The following PCDHGA8 variants were observed in gnomAD, a reference collection of about 807,000 sequenced individuals.
PCDHGA8 encodes protocadherin gamma subfamily A, 8.
PCDHGA8 carries 45 observed loss-of-function variants against 59.2 expected under a neutral mutation model. The ratio of observed to expected loss-of-function variants is 0.76; its 90% CI spans 0.60 to 0.98. The LOEUF (loss-of-function observed/expected upper bound fraction) is 0.98. PCDHGA8 is among the 50% of genes least tolerant of loss of function. The pLI is 0.00. For synonymous variants in PCDHGA8, 531 were observed against 519.0 expected (o/e 1.02, Z -0.32); for missense variants, 1,257 against 1,196.2 (o/e 1.05, Z -0.75).
chr5:141,409,809 A>T (rs754765049), intron 1 of PCDHGA8: 62 of 1,611,424 alleles, frequency 3.8e-5, no homozygotes, highest in Non-Finnish European at 7.6e-6. Context: ...CAGGCCCGCG[A>T]CCACGGCTCG....
intron 1 of PCDHGA8, chr5:141,492,070 GCCGGCT>G (rs1329848558): frequency 2.1e-6 from 1 of 477,826 alleles, no homozygotes; most frequent in Non-Finnish European, 3.7e-6. Context: ...CCTCCTAGGC[GCCGGCT>G]CCGGCACGCT....
chr5:141,394,662 T>C lies in PCDHGA8; in HGVS notation c.1849T>C (p.Phe617Leu). ...GCTCAAGGCCAGCGAGCCGGGACTC[T>C]TCTCGGTGGGTCTGCACACGGGCGA... ...RLLKASEPGL[F>L]SVGLHTGEVR... The change falls in exon 1 of 4, where the codon TTC becomes CTC. Residue 617 changes from phenylalanine (F) to leucine (L), a missense_variant. By Grantham distance (22) the Phe-to-Leu change is conservative. Coordinates refer to ENST00000398604, the MANE Select transcript of PCDHGA8 (RefSeq NM_032088.2). 3 of 1,613,258 alleles carry C rather than the reference T, an allele frequency of 1.9e-6. No individual in the cohort carries two copies. Among genetic ancestry groups the C allele is most frequent in the African/African-American group, 2.7e-5 (2 of 75,006 alleles).
chr5:141,441,362 G>A (rs1489202253), intron 1 of PCDHGA8: 1 of 152,484 alleles, frequency 6.6e-6, no homozygotes, highest in Non-Finnish European at 1.5e-5. Context: ...AACAAATGGG[G>A]CCGTGGACCA....
Position 141,432,292 on chromosome 5 carries a change from T to C in PCDHGA8, c.2424+37055T>C, listed in dbSNP as rs1339412798. 2 of 1,614,078 alleles carry C rather than the reference T, an allele frequency of 1.2e-6. No individual in the cohort carries two copies. The highest frequency in any genetic ancestry group is 2.2e-5 in the East Asian group (1 of 44,888). On this transcript the variant is annotated intron_variant, in intron 1 of 3. Coordinates refer to ENST00000398604, the MANE Select transcript of PCDHGA8 (RefSeq NM_032088.2). The surrounding 1 kb of genome is among the most constrained non-coding windows in gnomAD (Gnocchi z 6.0). ...CCTACGTGTCCATCAACTCCGACAC[T>C]GGGGTACTGTATGCGCTGAGCTCCT...
At chr5:141,473,212 C>G (rs1311953997) in intron 1 of PCDHGA8, among the ~76,000 whole-genome samples, 1 of 152,012 alleles carries the variant, frequency 6.6e-6, no homozygotes, top group Non-Finnish European at 1.5e-5. Flanking sequence ...AAAATGCTTA[C>G]TTCCAGGGAG....
intron 1 of PCDHGA8, among the ~76,000 whole-genome samples, chr5:141,469,206 A>T (rs752389937): frequency 6.6e-6 from 1 of 150,920 alleles, no homozygotes; most frequent in African/African-American, 2.4e-5. Flanking sequence ...AGCCTTTTGA[A>T]GTTGAGGCTT....
chr5:141,409,237 A>G lies in PCDHGA8; in HGVS notation c.2424+14000A>G, dbSNP rs375806619. The G allele has an allele frequency of 7.2e-5, 116 of 1,614,054 alleles. 2 individuals are homozygous for G. Among genetic ancestry groups the G allele is most frequent in the East Asian group, 6.5e-4 (29 of 44,886 alleles). ...TCCTTGATGAAAACGACAACAGCCC[A>G]GAAATAATCATCACTTCTCTCTCTG... On this transcript the variant is annotated intron_variant, in intron 1 of 3. Coordinates refer to ENST00000398604, the MANE Select transcript of PCDHGA8 (RefSeq NM_032088.2).
At chr5:141,438,957 C>T (rs1292059651) in intron 1 of PCDHGA8, among the ~76,000 whole-genome samples, 1 of 152,026 alleles carries the variant, frequency 6.6e-6, no homozygotes, top group Non-Finnish European at 1.5e-5. Context: ...TGAGCCACCG[C>T]ACCCTGCCAA....
chr5:141,438,754 T>C (rs1213047429), intron 1 of PCDHGA8, among the ~76,000 whole-genome samples: 3 of 148,368 alleles, frequency 2.0e-5, no homozygotes, highest in African/African-American at 5.0e-5. Context: ...CTCTGCCTCC[T>C]GGGTTCAAGC....
At chr5:141,430,567 A>G in intron 1 of PCDHGA8, 1 of 434,308 alleles carries the variant, frequency 2.3e-6, no homozygotes, top group Non-Finnish European at 3.9e-6. Context: ...GGGGAGAGAA[A>G]AGCGGAGATC....
At position 141,410,196 on chromosome 5, in the gene PCDHGA8, C is replaced by A. The variant is rs773310778; in HGVS notation, c.2424+14959C>A. 7.4e-6 allele frequency: 12 copies of A among 1,613,866 alleles called. No individual in the cohort carries two copies. In the South Asian group the frequency reaches 1.2e-4, roughly 16 times the overall value. On this transcript the variant is annotated intron_variant, in intron 1 of 3. Transcript: ENST00000398604. ...ACCGCCACGCTTCATCTGGTCTTCG[C>A]AGACAACTTGCAAGAGATACTGCCA... is the stretch of plus-strand genomic sequence containing the variant.
At chr5:141,421,267 C>A in intron 1 of PCDHGA8, 1 of 1,611,374 alleles carries the variant, frequency 6.2e-7, no homozygotes, top group South Asian at 1.1e-5. Flanking sequence ...CAGTCGGCTG[C>A]TGCTGCTGCT....
rs57426385 is a variant in PCDHGA8 at position 141,415,740 on chromosome 5, G to GTTTTT, written c.2424+20531_2424+20535dup. 865 of 624,308 alleles carry GTTTTT rather than the reference G, an allele frequency of 1.4e-3. 3 individuals carry two copies. Among genetic ancestry groups the GTTTTT allele is most frequent in the South Asian group, 2.2e-3 (75 of 34,868 alleles). The allele number at this position is 624,308 out of a possible 1,614,324, so 38.7% of individuals were successfully genotyped here. A position where few individuals can be genotyped will look rare whatever the true frequency, so the allele number is the denominator to read the frequency against. ...TGAGTAGAATTTGATGTTTATTAAG[G>GTTTTT]TTTTTTTTTTTTTTTTTTTTTTTTT... is the stretch of plus-strand genomic sequence containing the variant. On this transcript the variant is annotated intron_variant, in intron 1 of 3. Transcript: ENST00000398604.
intron 1 of PCDHGA8, chr5:141,414,814 A>C (rs1368279926): frequency 6.2e-7 from 1 of 1,614,100 alleles, no homozygotes; most frequent in African/African-American, 1.3e-5. Flanking sequence ...TCCTCCACTC[A>C]GCAGCAACGT....
intron 1 of PCDHGA8, among the ~76,000 whole-genome samples, chr5:141,434,935 T>C (rs952530533): frequency 6.6e-6 from 1 of 151,788 alleles, no homozygotes; most frequent in Non-Finnish European, 1.5e-5. Flanking sequence ...TTTTATATAA[T>C]AGATATAATT....
intron 1 of PCDHGA8, chr5:141,428,285 C>G (rs765814584): frequency 1.1e-5 from 8 of 734,934 alleles, no homozygotes; most frequent in Non-Finnish European, 1.7e-5. Context: ...GATTCCCAAG[C>G]AAAGCTGCAG....
intron 1 of PCDHGA8, chr5:141,404,553 C>T: frequency 6.2e-7 from 1 of 1,613,766 alleles, no homozygotes; most frequent in Non-Finnish European, 8.5e-7. Context: ...CAGGTGACGG[C>T]AAGTGACAGT....
intron 1 of PCDHGA8, chr5:141,399,446 A>G (rs2093810942): frequency 6.2e-7 from 1 of 1,613,826 alleles, no homozygotes; most frequent in South Asian, 1.1e-5. Flanking sequence ...CATATCAGAG[A>G]CGTCAACGAT....
rs1289333371 is a variant in PCDHGA8, at chr5:141,460,404, G to C, written c.2425-34403G>C. Among the ~76,000 whole-genome samples, 21 of 152,038 alleles carry C rather than the reference G, an allele frequency of 1.4e-4. 1 individual carries two copies. The highest frequency in any genetic ancestry group is 1.4e-3 in the Admixed American group (21 of 15,256). Reference sequence around the variant, plus strand: ...TATAATTTGGTCTATGAATCCTTTTGAGTTGATGTTTATGTATGGTGTATG... The same window carrying C: ...TATAATTTGGTCTATGAATCCTTTTCAGTTGATGTTTATGTATGGTGTATG... On this transcript the variant is annotated intron_variant, in intron 1 of 3. Transcript: ENST00000398604.
Sources: gnomAD v4.1 joint callset for allele counts (sites outside exome capture counted in the v4.1 genomes callset) on GRCh38, gnomAD v4.1.1 for gene constraint, Gnocchi (gnomAD v3.1) non-coding constraint, MANE v1.5 for transcripts, NCBI Gene and HGNC (gene_info 2026-07-23, HGNC 2026-07-21) for gene names.